Variants in TRIO observed in about 807,000 individuals in gnomAD.
TRIO encodes the protein triple functional domain protein.
In TRIO, 58 loss-of-function variants were observed where a neutral mutation model predicts 351.9. That is an observed-to-expected ratio of 0.16 (90% CI 0.13 to 0.21). TRIO has a LOEUF of 0.21. Ranked by LOEUF, TRIO falls within the 10% of genes least tolerant of loss-of-function variation. TRIO has a pLI of 1.00. For missense variants in TRIO, 3,201 were observed against 4,027.8 expected, an observed-to-expected ratio of 0.79 and a Z score of 5.56; for synonymous variants, 1,758 against 1,595.7, an observed-to-expected ratio of 1.10 and a Z score of -2.42.
chr5:14,363,622 A>T (rs1744344142), intron 13 of TRIO, 110 bp from the exon 14 acceptor site: 2 of 981,816 alleles, frequency 2.0e-6, no homozygotes, highest in South Asian at 3.3e-5. Flanking sequence ...TAAGTGTTTG[A>T]CGTCTCTGTC....
Position 14,379,701 on chromosome 5 carries a change from A to G in TRIO, c.3448-1429A>G, listed in dbSNP as rs16903446. 5.9e-3 allele frequency among the ~76,000 whole-genome samples: 905 copies of G among 152,352 alleles called. 13 individuals are homozygous for G. Among genetic ancestry groups the G allele is most frequent in the African/African-American group, 0.021 (874 of 41,574 alleles). On this transcript the variant is annotated intron_variant, in intron 20 of 56. Transcript: ENST00000344204. ...TCTCTTGAAAGACAATCCCTCAGCT[A>G]TAGAAAAGCAAAATTGTACATAATT...
chr5:14,253,510 C>T (rs1561254895), intron 1 of TRIO, among the ~76,000 whole-genome samples: 1 of 151,374 alleles, frequency 6.6e-6, no homozygotes, highest in African/African-American at 2.4e-5. Flanking sequence ...CGGCTGATTT[C>T]TTTTTTTTTG....
intron 1 of TRIO, among the ~76,000 whole-genome samples, chr5:14,267,765 G>GT (rs150627840): frequency 0.044 from 6,515 of 148,770 alleles, 424 homozygotes; most frequent in African/African-American, 0.14. Flanking sequence ...TTGCTTATTG[G>GT]TTTTTTTTTT....
At chr5:14,399,392 A>G (rs1747880556) in intron 30 of TRIO, 1 of 392,738 alleles carries the variant, frequency 2.5e-6, no homozygotes, top group Non-Finnish European at 4.5e-6. Context: ...TAAAATAATC[A>G]TATCTATGAC....
Position 14,445,951 on chromosome 5 carries a change from G to A in TRIO, c.5204-15068G>A, listed in dbSNP as rs147591975. Among the ~76,000 whole-genome samples, 287 of 152,344 alleles carry A rather than the reference G, an allele frequency of 1.9e-3. 1 individual carries two copies. The highest frequency in any genetic ancestry group is 3.4e-3 in the Middle Eastern group (1 of 294). ...CACTCTGAGCCCCAGCCCCACGCAG[G>A]GGCGGTCTGCTTATTTCCCACTGTC... On this transcript the variant is annotated intron_variant, in intron 34 of 56. Coordinates refer to ENST00000344204, the MANE Select transcript of TRIO (RefSeq NM_007118.4).
At chr5:14,449,661 G>A (rs909807675) in intron 34 of TRIO, among the ~76,000 whole-genome samples, 1 of 152,174 alleles carries the variant, frequency 6.6e-6, no homozygotes, top group African/African-American at 2.4e-5. Context: ...GTTCCGTTCA[G>A]GACATGTATA....
At chr5:14,253,722 C>T (rs553582111) in intron 1 of TRIO, among the ~76,000 whole-genome samples, 1 of 152,182 alleles carries the variant, frequency 6.6e-6, no homozygotes, top group Non-Finnish European at 1.5e-5. Flanking sequence ...CCCAGGGACC[C>T]CTTGGGTTCC....
At chr5:14,314,839 A>G (rs930973205) in intron 8 of TRIO, among the ~76,000 whole-genome samples, 1 of 152,180 alleles carries the variant, frequency 6.6e-6, no homozygotes, top group African/African-American at 2.4e-5. Context: ...AGACTGTTTA[A>G]ATTTTCCATT....
Position 14,405,771 on chromosome 5 carries a change from AG to A in TRIO, c.4717-75del, listed in dbSNP as rs758276230. On this transcript the variant is annotated intron_variant, in intron 31 of 56. Coordinates refer to ENST00000344204, the MANE Select transcript of TRIO (RefSeq NM_007118.4). ...TTGAAAATAGAAACTCAAGGAATGC[AG>A]GAAACCTGGGTGTGGTTAGGGCAAG... 1.8e-5 allele frequency: 26 copies of A among 1,477,080 alleles called. No homozygotes were observed. In the East Asian group the frequency reaches 2.3e-4, roughly 13 times the overall value. The allele number at this position is 1,477,080 out of a possible 1,614,324, so 91.5% of individuals were successfully genotyped here.
At chr5:14,393,122 T>G (rs1747252440) in intron 27 of TRIO, among the ~76,000 whole-genome samples, 2 of 150,638 alleles carry the variant, frequency 1.3e-5, no homozygotes. Context: ...GAAACCATCA[T>G]TCTCAGCAAA....
At chr5:14,231,589 C>A (rs755860755) in intron 1 of TRIO, among the ~76,000 whole-genome samples, 6 of 152,208 alleles carry the variant, frequency 3.9e-5, no homozygotes, top group Non-Finnish European at 5.9e-5. Flanking sequence ...GCTGCCACTT[C>A]CATCTTCTCT....
chr5:14,159,165 C>T (rs1788281396), intron 1 of TRIO, among the ~76,000 whole-genome samples: 3 of 152,082 alleles, frequency 2.0e-5, no homozygotes, highest in Admixed American at 2.0e-4. Context: ...TACTCCCACT[C>T]CCCCTCTCCC....
chr5:14,271,245 T>C (rs1021736091), intron 2 of TRIO, among the ~76,000 whole-genome samples: 12 of 152,238 alleles, frequency 7.9e-5, no homozygotes, highest in African/African-American at 1.9e-4. Context: ...GGTATGTAGA[T>C]GGGTCCTGAA....
At chr5:14,375,081 T>G (rs1745439557) in intron 19 of TRIO, among the ~76,000 whole-genome samples, 1 of 152,238 alleles carries the variant, frequency 6.6e-6, no homozygotes, top group African/African-American at 2.4e-5. Flanking sequence ...CTTTGTACAT[T>G]ACATTCTACT....
At chr5:14,321,379 G>C (rs1481200671) in intron 9 of TRIO, among the ~76,000 whole-genome samples, 2 of 152,244 alleles carry the variant, frequency 1.3e-5, no homozygotes, top group Non-Finnish European at 2.9e-5. Flanking sequence ...AGGGTTTTGG[G>C]CCCCTGTTGA....
chr5:14,325,688 A>T (rs1041604335), intron 9 of TRIO, among the ~76,000 whole-genome samples: 4 of 152,218 alleles, frequency 2.6e-5, no homozygotes, highest in African/African-American at 9.7e-5. Flanking sequence ...ATTTTTAAAC[A>T]AATTTTTAAA....
intron 1 of TRIO, among the ~76,000 whole-genome samples, chr5:14,226,247 A>T (rs1793017608): frequency 6.6e-6 from 1 of 152,166 alleles, no homozygotes; most frequent in African/African-American, 2.4e-5. Flanking sequence ...GATGATGTTG[A>T]TGTTCCCAAC....
chr5:14,419,305 G>A (rs1045098625), intron 33 of TRIO, among the ~76,000 whole-genome samples: 3 of 152,042 alleles, frequency 2.0e-5, no homozygotes, highest in Admixed American at 6.5e-5. Context: ...GCTTTGCTTC[G>A]GTTTCAGGGT....
chr5:14,509,347 G>A lies in TRIO; in HGVS notation c.*925G>A, dbSNP rs530701483. On this transcript the variant is annotated 3_prime_UTR_variant, in exon 57 of 57. Transcript: ENST00000344204. ...TACCTGTAATAAATATATAGAAAAA[G>A]CACATACTTCGTATGGTGAGCTTTA... 7.1e-6 allele frequency: 3 copies of A among 424,912 alleles called. No homozygotes were observed. Among genetic ancestry groups the A allele is most frequent in the East Asian group, 7.6e-5 (1 of 13,108 alleles). The allele number at this position is 424,912 out of a possible 1,614,324, so 26.3% of individuals were successfully genotyped here.
Sources: gnomAD v4.1 joint callset for allele counts (sites outside exome capture counted in the v4.1 genomes callset) on GRCh38, gnomAD v4.1.1 for gene constraint, MANE v1.5 for transcripts, NCBI Gene and HGNC (gene_info 2026-07-23, HGNC 2026-07-21) for gene names.